Variants in COL7A1 observed in about 807,000 individuals in gnomAD.
The protein encoded by COL7A1 is collagen type VII alpha 1 chain.
COL7A1 carries 296 observed loss-of-function variants against 456.2 expected under a neutral mutation model. The observed-to-expected ratio is 0.65, with a 90% confidence interval of 0.59 to 0.71. The LOEUF is 0.71. COL7A1 is among the 30% of genes least tolerant of loss of function. COL7A1 has a pLI of 0.00. For synonymous variants in COL7A1, 1,464 were observed against 1,525.9 expected (o/e 0.96, Z 0.95); for missense variants, 3,441 against 4,017.2 (o/e 0.86, Z 3.88).
Position 48,574,046 on chromosome 3 carries a change from C to G in COL7A1, c.6502-156G>C, listed in dbSNP as rs2044114814. Among the ~76,000 whole-genome samples the G allele has an allele frequency of 6.6e-6, 1 of 151,988 alleles. No individual in the cohort carries two copies. Among genetic ancestry groups the G allele is most frequent in the Non-Finnish European group, 1.5e-5 (1 of 67,980 alleles). Reference sequence around the variant, plus strand: ...TGGACTGCCTCTCATAGATAGCACACACGGGCCTGCACACACACATCCACA... The same window carrying G: ...TGGACTGCCTCTCATAGATAGCACAGACGGGCCTGCACACACACATCCACA... On this transcript the variant is annotated intron_variant, in intron 80 of 118. Coordinates refer to ENST00000681320, the MANE Select transcript of COL7A1 (RefSeq NM_000094.4). This position sits in a 1 kb window ranked among gnomAD's most constrained non-coding sequence, Gnocchi z 5.0.
At position 48,586,363 on chromosome 3, in the gene COL7A1, T is replaced by C; in HGVS notation, c.3519A>G (p.Ile1173Met). 1.2e-6 allele frequency: 2 copies of C among 1,613,846 alleles called. No individual in the cohort carries two copies. The change falls in exon 27 of 119, where the codon ATA (isoleucine) becomes ATG (methionine). Residue 1173 changes from isoleucine to methionine, a missense_variant. By Grantham distance (10) the Ile-to-Met change is conservative. This residue lies in a region of COL7A1 where 2,084 missense variants were observed against 2,501.3 expected (regional missense o/e 0.83). Coordinates refer to ENST00000681320, the MANE Select transcript of COL7A1 (RefSeq NM_000094.4). This position sits in a 1 kb window ranked among gnomAD's most constrained non-coding sequence, Gnocchi z 5.1. ...LLVDEPLRGDIFSPIREAQAS... is the reference protein window; with the variant it reads ...LLVDEPLRGDMFSPIREAQAS... ...CCTGGGCCTCACGGATGGGGCTGAA[T>C]ATGTCACCTCTCAAGGGTTCATCCA... is the stretch of plus-strand genomic sequence containing the variant.
In COL7A1 at chr3:48,593,597, TG is replaced by T; in HGVS notation, c.365del (p.Ala122GlufsTer25). On this transcript the variant is annotated frameshift_variant, in exon 4 of 119. Transcript: ENST00000681320. LOFTEE classifies it high-confidence loss of function. The surrounding 1 kb of genome is among the most constrained non-coding windows in gnomAD (Gnocchi z 4.4). The stretch of plus-strand genomic sequence containing the variant: ...AGACATGGTCAGCCACATGGAGAAT[TG>T]CAGCCCCTGTGCGAGTGTTGCCCCC... The part of the protein sequence containing the change: ...YKGGNTRTGA[A>X]ILHVADHVFL... 1 of 1,614,182 alleles carries T rather than the reference TG, an allele frequency of 6.2e-7. No homozygotes were observed. Among genetic ancestry groups the T allele is most frequent in the Non-Finnish European group, 8.5e-7 (1 of 1,180,028 alleles).
intron 18 of COL7A1, among the ~76,000 whole-genome samples, 159 bp downstream of exon 18, chr3:48,589,168 G>A (rs1163558211): frequency 2.6e-5 from 4 of 152,172 alleles, no homozygotes; most frequent in African/African-American, 9.7e-5. Flanking sequence ...GGGGCCACCA[G>A]GAGGTCACCG....
rs756349604 is a variant in COL7A1 at position 48,585,824 on chromosome 3, A to T, written c.3786+6T>A. 1.2e-6 allele frequency: 2 copies of T among 1,614,020 alleles called. No homozygotes were observed. Among genetic ancestry groups the T allele is most frequent in the East Asian group, 4.5e-5 (2 of 44,870 alleles). On this transcript the variant is annotated splice_donor_region_variant and intron_variant, in intron 30 of 118. Coordinates refer to ENST00000681320, the MANE Select transcript of COL7A1 (RefSeq NM_000094.4). The surrounding 1 kb of genome is among the most constrained non-coding windows in gnomAD (Gnocchi z 4.5). ...TTCTCTATTCCCCGCCCGCAGGGGCACTCACCATCTCTCCAGGTTCCCCCT... is the reference window on the plus strand; with the variant it reads ...TTCTCTATTCCCCGCCCGCAGGGGCTCTCACCATCTCTCCAGGTTCCCCCT...
Position 48,575,026 on chromosome 3 carries a change from C to G in COL7A1, c.6279+38G>C. 1 of 1,600,392 alleles carries G rather than the reference C, an allele frequency of 6.2e-7. No individual in the cohort carries two copies. The highest frequency in any genetic ancestry group is 8.6e-7 in the Non-Finnish European group (1 of 1,167,814). On this transcript the variant is annotated intron_variant, in intron 76 of 118. Coordinates refer to ENST00000681320, the MANE Select transcript of COL7A1 (RefSeq NM_000094.4). The surrounding 1 kb of genome is among the most constrained non-coding windows in gnomAD (Gnocchi z 6.3). ...ACCAAGCTAAGGGTGGCTTCCTGGT[C>G]ACTAGTCACAGGACTAAGGCAGGGA... is the stretch of plus-strand genomic sequence containing the variant.
Position 48,591,619 on chromosome 3 carries a change from G to T in COL7A1, c.1508-27C>A. 1 of 1,613,500 alleles carries T rather than the reference G, an allele frequency of 6.2e-7. No homozygotes were observed. The highest frequency in any genetic ancestry group is 8.5e-7 in the Non-Finnish European group (1 of 1,179,980). On this transcript the variant is annotated intron_variant, in intron 12 of 118. Transcript: ENST00000681320. This position sits in a 1 kb window ranked among gnomAD's most constrained non-coding sequence, Gnocchi z 7.0. ...TGTTGGAGAGCACAGCATAGAGGCA[G>T]CCTGGGGCTCCGACACCTCCCCCAC... is the stretch of plus-strand genomic sequence containing the variant.
At position 48,576,891 on chromosome 3, in the gene COL7A1, C is replaced by G. The variant is rs1342397080; in HGVS notation, c.5597G>C (p.Gly1866Ala). The change falls in exon 67 of 119, where the codon GGG becomes GCG. Residue 1866 changes from glycine (G) to alanine (A), a missense_variant. By Grantham distance (60) the Gly-to-Ala change is moderately conservative. Around this residue, in one of 3 missense-constraint regions of COL7A1, gnomAD observed 2,084 missense variants for 2,501.3 expected, o/e 0.83. Coordinates refer to ENST00000681320, the MANE Select transcript of COL7A1 (RefSeq NM_000094.4). ...KGEKGDSGAS[G>A]REGRDGPKGE... is the part of the protein sequence containing the mutation. ...GAAAACTCCAATACTCACTTCTCTC[C>G]CAGAGGCGCCTGAATCTCCTTTCTC... The G allele has an allele frequency of 1.9e-6, 3 of 1,613,936 alleles. No individual in the cohort carries two copies. In the East Asian group the frequency reaches 6.7e-5, roughly 36 times the overall value.
In COL7A1 at chr3:48,576,380, G is replaced by A; in HGVS notation, c.5772+20C>T. Reference sequence around the variant, plus strand: ...GGGTGCTGTGGCTACCTGGGCATGTGGAAAAGGTGGGGGCCTCACCTGCTC... The same window carrying A: ...GGGTGCTGTGGCTACCTGGGCATGTAGAAAAGGTGGGGGCCTCACCTGCTC... On this transcript the variant is annotated intron_variant, in intron 70 of 118. Transcript: ENST00000681320. The A allele has an allele frequency of 3.1e-6, 5 of 1,613,850 alleles. No homozygotes were observed. The highest frequency in any genetic ancestry group is 1.1e-5 in the South Asian group (1 of 91,084).
In COL7A1 at chr3:48,589,391, C is replaced by T. The variant is rs769232572; in HGVS notation, c.2250G>A (p.Thr750=). ...LDGLEPDTEY[T]VHVRAHVAGV... is the part of the protein sequence containing the mutation. ...CAGCCACATGGGCCCTCACATGCACCGTATACTCAGTATCTGGCTCCAGTC... is the reference window on the plus strand; with the variant it reads ...CAGCCACATGGGCCCTCACATGCACTGTATACTCAGTATCTGGCTCCAGTC... Residue 750 remains threonine, a synonymous_variant, in exon 18 of 119, where the codon ACG becomes ACA. Coordinates refer to ENST00000681320, the MANE Select transcript of COL7A1 (RefSeq NM_000094.4). 3.7e-6 allele frequency: 6 copies of T among 1,613,532 alleles called. No individual in the cohort carries two copies. The highest frequency in any genetic ancestry group is 2.2e-5 in the East Asian group (1 of 44,888).
At chr3:48,577,503 G>A (rs575701918) in intron 65 of COL7A1, among the ~76,000 whole-genome samples, 2 of 152,334 alleles carry the variant, frequency 1.3e-5, no homozygotes, top group Admixed American at 1.3e-4. Flanking sequence ...ACTCTTGTGT[G>A]TAGCTCAATG....
At chr3:48,589,166 C>A (rs1232827968) in intron 18 of COL7A1, among the ~76,000 whole-genome samples, 161 bp downstream of exon 18, 1 of 152,036 alleles carries the variant, frequency 6.6e-6, no homozygotes, top group Non-Finnish European at 1.5e-5. Flanking sequence ...GTGGGGCCAC[C>A]AGGAGGTCAC....
chr3:48,580,303 C>G lies in COL7A1; in HGVS notation c.5094G>C (p.Glu1698Asp). 3 of 1,610,368 alleles carry G rather than the reference C, an allele frequency of 1.9e-6. No homozygotes were observed. In the South Asian group the frequency reaches 3.3e-5, roughly 18 times the overall value. Residue 1698 changes from glutamate (E) to aspartate (D), a missense_variant, in exon 56 of 119, where the codon GAG (glutamate) becomes GAC (aspartate). By Grantham distance (45) the Glu-to-Asp change is conservative (BLOSUM62 2). This residue lies in a region of COL7A1 where 2,084 missense variants were observed against 2,501.3 expected (regional missense o/e 0.83). Coordinates refer to ENST00000681320, the MANE Select transcript of COL7A1 (RefSeq NM_000094.4). This position sits in a 1 kb window ranked among gnomAD's most constrained non-coding sequence, Gnocchi z 4.5. ...GSSGPKGDRG[E>D]PGPPGPPGRL... ...CCAGGACACCAGCCCTACTCACCGGCTCCCCACGGTCACCCTTGGGTCCAG... is the reference window on the plus strand; with the variant it reads ...CCAGGACACCAGCCCTACTCACCGGGTCCCCACGGTCACCCTTGGGTCCAG...
Position 48,594,979 on chromosome 3 carries a change from G to T in COL7A1, c.85+96C>A. 9.9e-7 allele frequency: 1 copy of T among 1,008,674 alleles called. No homozygotes were observed. Among genetic ancestry groups the T allele is most frequent in the Non-Finnish European group, 1.5e-6 (1 of 673,268 alleles). 62.5% of individuals were successfully genotyped at this position (1,008,674 alleles called of 1,614,324 possible). ...TCCGCGGGGCGTCGTGGAGTTGGCT[G>T]GGTTGTGGGCGGGGGGTGTTGGGGA... On this transcript the variant is annotated intron_variant, in intron 2 of 118. Coordinates refer to ENST00000681320, the MANE Select transcript of COL7A1 (RefSeq NM_000094.4). This position sits in a 1 kb window ranked among gnomAD's most constrained non-coding sequence, Gnocchi z 5.5.
chr3:48,586,379 G>C lies in COL7A1; in HGVS notation c.3503C>G (p.Pro1168Arg), dbSNP rs2045260406. Residue 1168 changes from proline to arginine, a missense_variant, in exon 27 of 119, where the codon CCC becomes CGC. By Grantham distance (103) the Pro-to-Arg change is moderately radical. Around this residue, in one of 3 missense-constraint regions of COL7A1, gnomAD observed 2,084 missense variants for 2,501.3 expected, o/e 0.83. Coordinates refer to ENST00000681320, the MANE Select transcript of COL7A1 (RefSeq NM_000094.4). The surrounding 1 kb of genome is among the most constrained non-coding windows in gnomAD (Gnocchi z 5.1). ...PGVMVLLVDE[P>R]LRGDIFSPIR... Reference sequence around the variant, plus strand: ...GGGGCTGAATATGTCACCTCTCAAGGGTTCATCCACTAGCAGAACCATCAC... The same window carrying C: ...GGGGCTGAATATGTCACCTCTCAAGCGTTCATCCACTAGCAGAACCATCAC... 2.5e-6 allele frequency: 4 copies of C among 1,613,866 alleles called. No individual in the cohort carries two copies. Among genetic ancestry groups the C allele is most frequent in the African/African-American group, 2.7e-5 (2 of 75,032 alleles).
Position 48,578,239 on chromosome 3 carries a change from A to G in COL7A1, c.5532+82T>C. ...ATGCATGTGTCTACACGTGTGCCTC[A>G]TGTGTTGCTACAGATCTTGGCTGTG... On this transcript the variant is annotated intron_variant, in intron 65 of 118. Coordinates refer to ENST00000681320, the MANE Select transcript of COL7A1 (RefSeq NM_000094.4). This position sits in a 1 kb window ranked among gnomAD's most constrained non-coding sequence, Gnocchi z 4.7. 8 of 1,518,182 alleles carry G rather than the reference A, an allele frequency of 5.3e-6. No homozygotes were observed. Among genetic ancestry groups the G allele is most frequent in the Middle Eastern group, 2.3e-4 (1 of 4,300 alleles). The allele number at this position is 1,518,182 out of a possible 1,614,324, so 94.0% of individuals were successfully genotyped here. A position where few individuals can be genotyped will look rare whatever the true frequency, so the allele number is the denominator to read the frequency against.
rs543646523 is a variant in COL7A1, at chr3:48,593,192, C to CGAA, written c.589_591dup (p.Phe197dup). The CGAA allele has an allele frequency of 8.8e-5, 142 of 1,614,040 alleles. No homozygotes were observed. In the African/African-American group the frequency reaches 1.7e-3, roughly 20 times the overall value. On this transcript the variant is annotated inframe_insertion, in exon 6 of 119. Transcript: ENST00000681320. The surrounding 1 kb of genome is among the most constrained non-coding windows in gnomAD (Gnocchi z 4.4). ...GTCCTCAAGATGCTGAAGTCATTGACGAAGAAGAAGAAGTCACTGGTGGGC... is the reference window on the plus strand; with the variant it reads ...GTCCTCAAGATGCTGAAGTCATTGACGAAGAAGAAGAAGAAGTCACTGGTGGGC...
Position 48,568,121 on chromosome 3 carries a change from T to C in COL7A1, c.7844A>G (p.Asp2615Gly), listed in dbSNP as rs1224932731. 6.2e-7 allele frequency: 1 copy of C among 1,613,962 alleles called. No homozygotes were observed. The highest frequency in any genetic ancestry group is 8.5e-7 in the Non-Finnish European group (1 of 1,180,044). Residue 2615 changes from aspartate to glycine, a missense_variant, in exon 106 of 119, where the codon GAT becomes GGT. By Grantham distance (94) the Asp-to-Gly change is moderately conservative (BLOSUM62 -1). Transcript: ENST00000681320. This position sits in a 1 kb window ranked among gnomAD's most constrained non-coding sequence, Gnocchi z 5.2. The part of the protein sequence containing the change: ...GVPGIRGEKG[D>G]VGFMGPRGLK... ...GCCCCGGGGACCCATGAAGCCAACA[T>C]CTCCTTTTTCTCCTCGGATACCAGG... is the stretch of plus-strand genomic sequence containing the variant.
chr3:48,575,589 T>C lies in COL7A1; in HGVS notation c.5979+37A>G. 1.2e-6 allele frequency: 2 copies of C among 1,612,562 alleles called. No homozygotes were observed. The highest frequency in any genetic ancestry group is 1.7e-6 in the Non-Finnish European group (2 of 1,179,982). ...TGGTGGCTGTACAGCTACACCCCACTCCACGGGGCACAACCCACTGAGCCA... is the reference window on the plus strand; with the variant it reads ...TGGTGGCTGTACAGCTACACCCCACCCCACGGGGCACAACCCACTGAGCCA... On this transcript the variant is annotated intron_variant, in intron 73 of 118. Transcript: ENST00000681320. The surrounding 1 kb of genome is among the most constrained non-coding windows in gnomAD (Gnocchi z 6.3).
intron 37 of COL7A1, 45 bp from the exon 38 acceptor site, chr3:48,584,106 T>G (rs780265031): frequency 6.2e-7 from 1 of 1,613,968 alleles, no homozygotes; most frequent in South Asian, 1.1e-5. Context: ...CACACCTCAC[T>G]CCCAAAGATA....
Sources: gnomAD v4.1 joint callset for allele counts (sites outside exome capture counted in the v4.1 genomes callset) on GRCh38, gnomAD v4.1.1 for gene constraint, gnomAD v4.1.1 regional missense constraint, Gnocchi (gnomAD v3.1) non-coding constraint, MANE v1.5 for transcripts, NCBI Gene and HGNC (gene_info 2026-07-23, HGNC 2026-07-21) for gene names.